ABCA13: variants seen among roughly 807,000 people sequenced by gnomAD.
ABCA13 encodes ATP-binding cassette sub-family A member 13.
A neutral mutation model predicts 478.7 loss-of-function variants in ABCA13; 476 were observed. The ratio of observed to expected loss-of-function variants is 0.99; its 90% CI spans 0.92 to 1.07. The LOEUF (loss-of-function observed/expected upper bound fraction) is 1.07, where lower values mean the gene tolerates loss of function less well. Ranked by LOEUF, ABCA13 falls within the 50% of genes least tolerant of loss-of-function variation. The pLI is 0.00. For missense variants in ABCA13, 6,060 were observed against 5,910.6 expected, an observed-to-expected ratio of 1.03 and a Z score of -0.83; for synonymous variants, 2,252 against 2,158.9, an observed-to-expected ratio of 1.04 and a Z score of -1.20.
chr7:48,564,861 A>G (rs4144064), intron 55 of ABCA13, among the ~76,000 whole-genome samples: 21,049 of 152,080 alleles, frequency 0.14, 1,816 homozygotes, highest in African/African-American at 0.23. Flanking sequence ...TATGTGAATT[A>G]GTGGCTCTCA....
intron 15 of ABCA13, 146 bp downstream of exon 15, chr7:48,249,497 C>T: frequency 9.2e-7 from 1 of 1,090,624 alleles, no homozygotes. Flanking sequence ...GTGATTACTT[C>T]ATATAATTTT....
At chr7:48,282,151 A>G (rs1294407811) in intron 19 of ABCA13, among the ~76,000 whole-genome samples, 1 of 152,248 alleles carries the variant, frequency 6.6e-6, no homozygotes, top group Non-Finnish European at 1.5e-5. Flanking sequence ...ATCTGCTAAG[A>G]TGATACTTGC....
At chr7:48,628,069 C>T (rs1165161746) in intron 59 of ABCA13, among the ~76,000 whole-genome samples, 1 of 152,086 alleles carries the variant, frequency 6.6e-6, no homozygotes, top group Non-Finnish European at 1.5e-5. Flanking sequence ...ACCGTAGCAC[C>T]ACTTGAGCAT....
chr7:48,426,358 G>A (rs1242379875), intron 41 of ABCA13, among the ~76,000 whole-genome samples: 3 of 152,190 alleles, frequency 2.0e-5, no homozygotes, highest in Non-Finnish European at 4.4e-5. Context: ...AGGCTTGCTT[G>A]CTCATGGCTT....
At chr7:48,183,525 T>C (rs1187227255) in intron 1 of ABCA13, among the ~76,000 whole-genome samples, 1 of 152,256 alleles carries the variant, frequency 6.6e-6, no homozygotes, top group Admixed American at 6.5e-5. Flanking sequence ...AAATGCTTCA[T>C]GGTTATGCAA....
rs550097300 is a variant in ABCA13 at position 48,418,214 on chromosome 7, G to A, written c.12459+5631G>A. 2.0e-5 allele frequency among the ~76,000 whole-genome samples: 3 copies of A among 152,330 alleles called. 1 individual carries two copies. Among genetic ancestry groups the A allele is most frequent in the South Asian group, 4.1e-4 (2 of 4,828 alleles). On this transcript the variant is annotated intron_variant, in intron 41 of 61. Coordinates refer to ENST00000435803, the MANE Select transcript of ABCA13 (RefSeq NM_152701.5). ...TGGGTAAATACCTAAGACTGCAACT[G>A]CTGTATCTTACAGTAAGAGTGTCTT...
At chr7:48,187,349 C>G (rs186951409) in intron 1 of ABCA13, among the ~76,000 whole-genome samples, 1 of 150,500 alleles carries the variant, frequency 6.6e-6, no homozygotes, top group South Asian at 2.1e-4. Context: ...GTTTAATGGC[C>G]GTAGTTTAAC....
intron 29 of ABCA13, among the ~76,000 whole-genome samples, chr7:48,349,846 G>A (rs747232901): frequency 1.3e-5 from 2 of 152,208 alleles, no homozygotes; most frequent in Non-Finnish European, 2.9e-5. Context: ...ATACAGGAGG[G>A]CCAGCAGGAA....
intron 17 of ABCA13, among the ~76,000 whole-genome samples, chr7:48,277,225 G>C (rs996625820): frequency 3.9e-5 from 6 of 152,196 alleles, no homozygotes; most frequent in Non-Finnish European, 5.9e-5. Flanking sequence ...GTCAGGAAGG[G>C]AGGCCCACAG....
intron 9 of ABCA13, among the ~76,000 whole-genome samples, chr7:48,239,999 G>A (rs1000742971): frequency 6.6e-6 from 1 of 152,332 alleles, no homozygotes; most frequent in Non-Finnish European, 1.5e-5. Context: ...TCTTGGGGAG[G>A]TTTTGGAGAC....
At chr7:48,587,418 T>C (rs1789292485) in intron 57 of ABCA13, 130 bp downstream of exon 57, 1 of 1,074,088 alleles carries the variant, frequency 9.3e-7, no homozygotes, top group Non-Finnish European at 1.3e-6. Flanking sequence ...TAGTAAACTG[T>C]TTTGCCATAA....
intron 41 of ABCA13, among the ~76,000 whole-genome samples, chr7:48,416,747 T>G (rs374936849): frequency 6.6e-6 from 1 of 151,912 alleles, no homozygotes; most frequent in African/African-American, 2.4e-5. Context: ...GCTGCACCTT[T>G]TGCTTCCTCA....
At chr7:48,177,718 T>C (rs562431622) in intron 1 of ABCA13, among the ~76,000 whole-genome samples, 1 of 152,262 alleles carries the variant, frequency 6.6e-6, no homozygotes, top group Non-Finnish European at 1.5e-5. Flanking sequence ...GAGATGGAAC[T>C]CCTGATAACT....
At chr7:48,186,660 C>G (rs1796391061) in intron 1 of ABCA13, among the ~76,000 whole-genome samples, 1 of 152,016 alleles carries the variant, frequency 6.6e-6, no homozygotes, top group Non-Finnish European at 1.5e-5. Context: ...GGCACTCTCT[C>G]CCTTAAATTG....
intron 23 of ABCA13, 37 bp from the exon 24 acceptor site, chr7:48,309,910 A>G (rs1801505972): frequency 1.9e-6 from 3 of 1,610,102 alleles, no homozygotes; most frequent in Non-Finnish European, 1.7e-6. Context: ...ATGACGTCAT[A>G]GGTATACTCA....
In ABCA13 at chr7:48,273,631, A is replaced by G; in HGVS notation, c.3965A>G (p.Asn1322Ser). The G allele has an allele frequency of 2.5e-6, 4 of 1,604,382 alleles. No homozygotes were observed. The highest frequency in any genetic ancestry group is 3.4e-6 in the Non-Finnish European group (4 of 1,174,696). Residue 1322 changes from asparagine to serine, a missense_variant, in exon 17 of 62, where the codon AAT becomes AGT. Around this residue, in one of 3 missense-constraint regions of ABCA13, gnomAD observed 4,423 missense variants for 4,309.1 expected, o/e 1.03. Coordinates refer to ENST00000435803, the MANE Select transcript of ABCA13 (RefSeq NM_152701.5). ...ACAAATTATGGAGAAAAATTTGAAA[A>G]TATCATCACTGAGCTAAGAGAAGCA... is the stretch of plus-strand genomic sequence containing the variant. The part of the protein sequence containing the change: ...NLTNYGEKFE[N>S]IITELREAIV...
At position 48,645,794 on chromosome 7, in the gene ABCA13, T is replaced by A. The variant is rs1020133272; in HGVS notation, c.*282T>A. 2 of 356,334 alleles carry A rather than the reference T, an allele frequency of 5.6e-6. No individual in the cohort carries two copies. Among genetic ancestry groups the A allele is most frequent in the African/African-American group, 4.4e-5 (2 of 45,660 alleles). The allele number at this position is 356,334 out of a possible 1,614,324, so 22.1% of individuals were successfully genotyped here. On this transcript the variant is annotated 3_prime_UTR_variant, in exon 62 of 62. Transcript: ENST00000435803. ...TCTTTGTGACAAAGGCATGAATGAT[T>A]TGACAGTGTCCAAACTGAGACATTC...
chr7:48,473,859 C>G (rs1381012993), intron 45 of ABCA13, among the ~76,000 whole-genome samples: 1 of 152,166 alleles, frequency 6.6e-6, no homozygotes, highest in East Asian at 1.9e-4. Context: ...AGGAACTAGT[C>G]TGCTTTCTTC....
Position 48,219,527 on chromosome 7 carries a change from G to A in ABCA13, c.439+22G>A, listed in dbSNP as rs779201200. The A allele has an allele frequency of 6.3e-6, 10 of 1,596,448 alleles. No individual in the cohort carries two copies. The Admixed American group carries it at 1.8e-4, about 29-fold the overall frequency. ...CCAGGCAAGTAAACCTCTCATAACT[G>A]TGACACTACCTACCTGGACATAGCT... On this transcript the variant is annotated intron_variant, in intron 4 of 61. Transcript: ENST00000435803.
Sources: gnomAD v4.1 joint callset for allele counts (sites outside exome capture counted in the v4.1 genomes callset) on GRCh38, gnomAD v4.1.1 for gene constraint, gnomAD v4.1.1 regional missense constraint, MANE v1.5 for transcripts, NCBI Gene and HGNC (gene_info 2026-07-23, HGNC 2026-07-21) for gene names.